CHD3: variants seen among roughly 807,000 people sequenced by gnomAD.
CHD3 encodes ATP-dependent chromatin remodeler CHD3.
CHD3 carries 52 observed loss-of-function variants against 248.9 expected under a neutral mutation model. That is an observed-to-expected ratio of 0.21 (90% CI 0.17 to 0.26). The LOEUF is 0.26. Among genes scored for constraint, CHD3 ranks in the 10% least tolerant of loss-of-function variants. The pLI is 1.00. For synonymous variants in CHD3, 985 were observed against 985.2 expected (o/e 1.00, Z 0.00); for missense variants, 1,482 against 2,605.8 (o/e 0.57, Z 9.39).
rs1969828860 is a variant in CHD3, at chr17:7,897,481, G to T, written c.1919+187G>T. Among the ~76,000 whole-genome samples, 5 of 152,174 alleles carry T rather than the reference G, an allele frequency of 3.3e-5. No homozygotes were observed. The South Asian group carries it at 1.0e-3, about 32-fold the overall frequency. On this transcript the variant is annotated intron_variant, in intron 11 of 39. Transcript: ENST00000330494. This position sits in a 1 kb window ranked among gnomAD's most constrained non-coding sequence, Gnocchi z 4.8. ...CGGGAGAAAACAGGAGGAAAATCCG[G>T]CCAGGCAGTGCCTCTTTTGTCCTTT...
chr17:7,906,967 T>C lies in CHD3; in HGVS notation c.4602T>C (p.Pro1534=). The change falls in exon 30 of 40, where the codon CCT becomes CCC. Residue 1534 remains proline (P), a synonymous_variant. Coordinates refer to ENST00000330494, the MANE Select transcript of CHD3 (RefSeq NM_001005273.3). The surrounding 1 kb of genome is among the most constrained non-coding windows in gnomAD (Gnocchi z 5.0). The stretch of plus-strand genomic sequence containing the variant: ...AGCGCTCCTCCAGAGCCTCCTCTCC[T>C]ACCAAAACGTCTCCCACCACTCCTG... ...DSKRSSRASS[P]TKTSPTTPEA... 3.7e-6 allele frequency: 6 copies of C among 1,614,098 alleles called. No individual in the cohort carries two copies. The highest frequency in any genetic ancestry group is 5.1e-6 in the Non-Finnish European group (6 of 1,180,008).
chr17:7,891,174 G>A (rs1304672276), intron 4 of CHD3, 110 bp downstream of exon 4: 18 of 1,280,234 alleles, frequency 1.4e-5, no homozygotes, highest in East Asian at 4.7e-5. Flanking sequence ...GAGAATTCAC[G>A]GTGTATACAC....
rs1264840360 is a variant in CHD3 at position 7,894,510 on chromosome 17, A to G, written c.1171A>G (p.Ile391Val). The change falls in exon 8 of 40, where the codon ATT becomes GTT. Residue 391 changes from isoleucine to valine, a missense_variant. Around this residue, in one of 20 missense-constraint regions of CHD3, gnomAD observed 138 missense variants for 241.1 expected, o/e 0.57. Coordinates refer to ENST00000330494, the MANE Select transcript of CHD3 (RefSeq NM_001005273.3). Reference protein sequence around the residue: ...YCEVCQQGGEIILCDTCPRAY... With the variant: ...YCEVCQQGGEVILCDTCPRAY... ...TGAGGTGTGCCAGCAGGGTGGGGAA[A>G]TTATTCTGTGTGACACCTGCCCTCG... 1 of 1,614,004 alleles carries G rather than the reference A, an allele frequency of 6.2e-7. No individual in the cohort carries two copies. The highest frequency in any genetic ancestry group is 2.2e-5 in the East Asian group (1 of 44,872).
Position 7,894,429 on chromosome 17 carries a change from G to A in CHD3, c.1090G>A (p.Ala364Thr), listed in dbSNP as rs987887004. 4 of 1,613,382 alleles carry A rather than the reference G, an allele frequency of 2.5e-6. No homozygotes were observed. The highest frequency in any genetic ancestry group is 3.4e-6 in the Non-Finnish European group (4 of 1,179,528). ...RKKKKVLGCP[A>T]VAGEEEVDGY... ...GTATATGACAGTCCTGGGCTGTCCT[G>A]CAGTGGCCGGGGAGGAGGAGGTTGA... The change falls in exon 8 of 40, where the codon GCA becomes ACA. Residue 364 changes from alanine (A) to threonine (T), a missense_variant. This residue lies in a region of CHD3 where 138 missense variants were observed against 241.1 expected (regional missense o/e 0.57). Transcript: ENST00000330494.
At position 7,911,579 on chromosome 17, in the gene CHD3, C is replaced by A; in HGVS notation, c.5997C>A (p.Asp1999Glu). 6.2e-7 allele frequency: 1 copy of A among 1,614,036 alleles called. No individual in the cohort carries two copies. Among genetic ancestry groups the A allele is most frequent in the Non-Finnish European group, 8.5e-7 (1 of 1,179,942 alleles). ...EPRAGEVICI[D>E]D The stretch of plus-strand genomic sequence containing the variant: ...GAGCCGGGGAGGTGATCTGTATAGA[C>A]GACTGACTGGATCCCAGGCCTGCCC... The change falls in exon 40 of 40, where the codon GAC (aspartate) becomes GAA (glutamate). Residue 1999 changes from aspartate (D) to glutamate (E), a missense_variant. Asp to Glu is a conservative substitution (Grantham distance 45, BLOSUM62 2). Coordinates refer to ENST00000330494, the MANE Select transcript of CHD3 (RefSeq NM_001005273.3). This position sits in a 1 kb window ranked among gnomAD's most constrained non-coding sequence, Gnocchi z 5.4.
chr17:7,888,086 A>C (rs895366958), upstream of CHD3, among the ~76,000 whole-genome samples: 2 of 152,146 alleles, frequency 1.3e-5, no homozygotes, highest in Non-Finnish European at 2.9e-5. Context: ...AGTCAACCGA[A>C]GTCCCTGGGG....
chr17:7,891,360 C>T (rs1344017640), intron 4 of CHD3, among the ~76,000 whole-genome samples: 1 of 152,172 alleles, frequency 6.6e-6, no homozygotes, highest in Non-Finnish European at 1.5e-5. Context: ...GAGCCCTCCC[C>T]TGCCCCAACA....
chr17:7,908,782 G>A lies in CHD3; in HGVS notation c.5347G>A (p.Gly1783Arg). Reference sequence around the variant, plus strand: ...GCCATTTAAAACTGAAGCCAATAAGGGGAACTTTCTGGAGATGAAAAATAA... The same window carrying A: ...GCCATTTAAAACTGAAGCCAATAAGAGGAACTTTCTGGAGATGAAAAATAA... ...NEPFKTEANK[G>R]NFLEMKNKFL... The change falls in exon 36 of 40, where the codon GGG becomes AGG. Residue 1783 changes from glycine to arginine, a missense_variant. Physicochemically the swap from Gly to Arg is moderately radical, Grantham distance 125. Transcript: ENST00000330494. The surrounding 1 kb of genome is among the most constrained non-coding windows in gnomAD (Gnocchi z 5.8). 6.2e-7 allele frequency: 1 copy of A among 1,614,112 alleles called. No individual in the cohort carries two copies. The highest frequency in any genetic ancestry group is 8.5e-7 in the Non-Finnish European group (1 of 1,180,010).
Position 7,895,771 on chromosome 17 carries a change from C to CTATCTA in CHD3, c.1707+231_1707+232insTCTATA, listed in dbSNP as rs1275192082. Among the ~76,000 whole-genome samples the CTATCTA allele has an allele frequency of 3.3e-5, 5 of 152,300 alleles. 1 individual carries two copies. The East Asian group carries it at 7.7e-4, about 23-fold the overall frequency. ...TCCCTCAGATATAGCATAGCCTTTC[C>CTATCTA]TAACTTCATGTCCTTCCTTATCTGT... On this transcript the variant is annotated intron_variant, in intron 10 of 39. Transcript: ENST00000330494. The surrounding 1 kb of genome is among the most constrained non-coding windows in gnomAD (Gnocchi z 4.9).
At chr17:7,902,350 A>G (rs1970417166) in intron 20 of CHD3, among the ~76,000 whole-genome samples, 1 of 152,048 alleles carries the variant, frequency 6.6e-6, no homozygotes, top group Admixed American at 6.6e-5. Context: ...TGAACCCAGG[A>G]GTGGAGGTTG....
chr17:7,891,183 A>C, intron 4 of CHD3, 119 bp downstream of exon 4: 1 of 1,195,456 alleles, frequency 8.4e-7, no homozygotes, highest in East Asian at 2.4e-5. Context: ...CGGTGTATAC[A>C]CACCAAATTC....
chr17:7,910,171 C>T lies in CHD3; in HGVS notation c.5591-257C>T. 4 of 375,752 alleles carry T rather than the reference C, an allele frequency of 1.1e-5. No individual in the cohort carries two copies. The highest frequency in any genetic ancestry group is 6.5e-5 in the African/African-American group (3 of 46,002). 23.3% of individuals were successfully genotyped at this position (375,752 alleles called of 1,614,324 possible). A position where few individuals can be genotyped will look rare whatever the true frequency, so the allele number is the denominator to read the frequency against. On this transcript the variant is annotated intron_variant, in intron 37 of 39. Transcript: ENST00000330494. The surrounding 1 kb of genome is among the most constrained non-coding windows in gnomAD (Gnocchi z 4.7). ...CCTCCATGCTCCCTTTTTCTTTCTT[C>T]TTTCTCTCCATCTGTCTTCTGTGGT... is the stretch of plus-strand genomic sequence containing the variant.
chr17:7,888,348 T>C (rs142373217), upstream of CHD3, among the ~76,000 whole-genome samples: 9 of 152,274 alleles, frequency 5.9e-5, no homozygotes, highest in East Asian at 1.7e-3. Flanking sequence ...TAATTTTCCG[T>C]TGGCTGTTGA....
chr17:7,888,014 C>G (rs1315743380), upstream of CHD3, among the ~76,000 whole-genome samples: 2 of 152,252 alleles, frequency 1.3e-5, no homozygotes, highest in Non-Finnish European at 2.9e-5. Flanking sequence ...GGCCGTGTCC[C>G]TGAACCTTAG....
intron 2 of CHD3, 81 bp from the exon 3 acceptor site, chr17:7,890,489 GA>G: frequency 1.0e-6 from 1 of 957,342 alleles, no homozygotes; most frequent in East Asian, 2.8e-5. Context: ...AAGATTAAAA[GA>G]GGTAAGATAT....
chr17:7,891,244 G>T (rs1226086059), intron 4 of CHD3, among the ~76,000 whole-genome samples, 180 bp downstream of exon 4: 2 of 152,204 alleles, frequency 1.3e-5, no homozygotes, highest in Admixed American at 1.3e-4. Flanking sequence ...AAGAACCCCA[G>T]TTGAGAACTC....
rs1314793164 is a variant in CHD3 at position 7,903,180 on chromosome 17, C to G, written c.3496-92C>G. ...TCTTCTGGGAGGAGAGAAGGCCCTT[C>G]TTCAGCAGCCTTCTTTCCTGAGGCA... On this transcript the variant is annotated intron_variant, in intron 22 of 39. Transcript: ENST00000330494. The surrounding 1 kb of genome is among the most constrained non-coding windows in gnomAD (Gnocchi z 6.8). 3.2e-6 allele frequency: 5 copies of G among 1,562,144 alleles called. No individual in the cohort carries two copies. Among genetic ancestry groups the G allele is most frequent in the African/African-American group, 2.7e-5 (2 of 73,864 alleles).
Position 7,900,597 on chromosome 17 carries a change from C to T in CHD3, c.2844C>T (p.Ser948=). The T allele has an allele frequency of 6.2e-7, 1 of 1,614,064 alleles. No homozygotes were observed. The highest frequency in any genetic ancestry group is 1.7e-5 in the Admixed American group (1 of 60,010). The change falls in exon 18 of 40, where the codon TCC becomes TCT. Residue 948 remains serine, a synonymous_variant. Coordinates refer to ENST00000330494, the MANE Select transcript of CHD3 (RefSeq NM_001005273.3). The surrounding 1 kb of genome is among the most constrained non-coding windows in gnomAD (Gnocchi z 6.5). ...TCCTGGAGGAGTTTGCTGACATATC[C>T]AAAGAGGACCAGATCAAGAAACTGC... ...EGFLEEFADI[S]KEDQIKKLHD...
At chr17:7,901,489 AT>A in intron 20 of CHD3, 114 bp downstream of exon 20, 1 of 449,716 alleles carries the variant, frequency 2.2e-6, no homozygotes, top group Non-Finnish European at 3.7e-6. Flanking sequence ...AAATGAGGAG[AT>A]TCCTCCTGTA....
Sources: allele counts gnomAD v4.1 joint callset (sites outside exome capture counted in the v4.1 genomes callset), GRCh38; gene constraint gnomAD v4.1.1; regional missense constraint gnomAD v4.1.1; non-coding constraint Gnocchi (gnomAD v3.1); transcripts MANE v1.5; gene names NCBI Gene and HGNC (gene_info 2026-07-23, HGNC 2026-07-21).